IGFN1: variants seen among roughly 807,000 people sequenced by gnomAD.
IGFN1 encodes immunoglobulin-like and fibronectin type III domain-containing protein 1.
A neutral mutation model predicts 289.5 loss-of-function variants in IGFN1; 253 were observed. The ratio of observed to expected loss-of-function variants is 0.87; its 90% CI spans 0.79 to 0.97. The LOEUF is 0.97. IGFN1 is among the 50% of genes least tolerant of loss of function. The pLI, the probability that IGFN1 is intolerant of heterozygous loss-of-function variation, is 0.00. For missense variants in IGFN1, 4,470 were observed against 4,686.1 expected (o/e 0.95, Z 1.35); for synonymous variants, 1,706 against 1,788.5 (o/e 0.95, Z 1.16).
At chr1:201,226,189 C>A (rs2102375641) in intron 22 of IGFN1, 66 bp downstream of exon 22, 1 of 1,457,068 alleles carries the variant, frequency 6.9e-7, no homozygotes, top group Non-Finnish European at 9.1e-7. Flanking sequence ...CAGTGGGATG[C>A]ACCCAAGCAT....
In IGFN1 at chr1:201,207,808, G is replaced by T. The variant is rs1277864922; in HGVS notation, c.2915G>T (p.Gly972Val). 7 of 1,536,122 alleles carry T rather than the reference G, an allele frequency of 4.6e-6. No individual in the cohort carries two copies. The highest frequency in any genetic ancestry group is 6.1e-6 in the Non-Finnish European group (7 of 1,146,372). ...GAAATAAGCTCTAAAAGCGGGGCTG[G>T]TTATAGCTATGGCTCAGGGGTTCCA... ...SREISSKSGA[G>V]YSYGSGVPGE... The change falls in exon 12 of 24, where the codon GGT becomes GTT. Residue 972 changes from glycine (G) to valine (V), a missense_variant. Coordinates refer to ENST00000335211, the MANE Select transcript of IGFN1 (RefSeq NM_001164586.2).
rs1281883406 is a variant in IGFN1 at position 201,215,597 on chromosome 1, G to A, written c.9054G>A (p.Lys3018=). 6.2e-7 allele frequency: 1 copy of A among 1,612,140 alleles called. No homozygotes were observed. The highest frequency in any genetic ancestry group is 1.3e-5 in the African/African-American group (1 of 74,886). The change falls in exon 15 of 24, where the codon AAG becomes AAA. Residue 3018 remains lysine (K), a synonymous_variant. Coordinates refer to ENST00000335211, the MANE Select transcript of IGFN1 (RefSeq NM_001164586.2). ...AACTGAGAGAGCCACTGGTGGTCAA[G>A]GCTGGGAAGCCGGTGATAGTGAAGA... is the stretch of plus-strand genomic sequence containing the variant. ...TEKLREPLVV[K]AGKPVIVKIP...
chr1:201,204,303 G>A (rs1369966752), intron 10 of IGFN1, among the ~76,000 whole-genome samples: 2 of 152,144 alleles, frequency 1.3e-5, no homozygotes, highest in Admixed American at 6.5e-5. Flanking sequence ...GCATCCTCAC[G>A]CTCCATACAG....
Position 201,212,517 on chromosome 1 carries a change from A to G in IGFN1, c.7624A>G (p.Met2542Val). Residue 2542 changes from methionine to valine, a missense_variant, in exon 12 of 24, where the codon ATG (methionine) becomes GTG (valine). Coordinates refer to ENST00000335211, the MANE Select transcript of IGFN1 (RefSeq NM_001164586.2). Reference protein sequence around the residue: ...GAVEGETWAGMAALGSGYERD... With the variant: ...GAVEGETWAGVAALGSGYERD... ...AGTGGAAGGTGAGACCTGGGCAGGA[A>G]TGGCTGCTCTAGGGTCTGGATATGA... is the stretch of plus-strand genomic sequence containing the variant. 6.5e-7 allele frequency: 1 copy of G among 1,546,308 alleles called. No individual in the cohort carries two copies. The highest frequency in any genetic ancestry group is 8.7e-7 in the Non-Finnish European group (1 of 1,146,870).
In IGFN1 at chr1:201,223,574, T is replaced by A. The variant is rs545704288; in HGVS notation, c.10290+747T>A. 1.7e-3 allele frequency among the ~76,000 whole-genome samples: 264 copies of A among 152,264 alleles called. 1 individual carries two copies. The highest frequency in any genetic ancestry group is 6.1e-3 in the African/African-American group (253 of 41,532). On this transcript the variant is annotated intron_variant, in intron 20 of 23. Transcript: ENST00000335211. ...TTAGTAGAGATGGGGTTTCGCCGTGTTGGCCAGGCTGGCCTCTCAAACTCC... is the reference window on the plus strand; with the variant it reads ...TTAGTAGAGATGGGGTTTCGCCGTGATGGCCAGGCTGGCCTCTCAAACTCC...
At chr1:201,204,723 G>C (rs544017324) in intron 10 of IGFN1, among the ~76,000 whole-genome samples, 1 of 152,300 alleles carries the variant, frequency 6.6e-6, no homozygotes, top group African/African-American at 2.4e-5. Context: ...TTTCTCACCT[G>C]TAAAAAGAAA....
At position 201,228,861 on chromosome 1, in the gene IGFN1, G is replaced by A. The variant is rs1654288736; in HGVS notation, c.*462G>A. Reference sequence around the variant, plus strand: ...ATCAAGGTCGTGTGTGTGGGTGGGGGCAGCCTCCACCTCCTGGATTCAAGA... The same window carrying A: ...ATCAAGGTCGTGTGTGTGGGTGGGGACAGCCTCCACCTCCTGGATTCAAGA... On this transcript the variant is annotated 3_prime_UTR_variant, in exon 24 of 24. Transcript: ENST00000335211. 1 of 164,250 alleles carries A rather than the reference G, an allele frequency of 6.1e-6. No individual in the cohort carries two copies. Among genetic ancestry groups the A allele is most frequent in the Non-Finnish European group, 1.3e-5 (1 of 76,334 alleles). The allele number at this position is 164,250 out of a possible 1,614,324, so 10.2% of individuals were successfully genotyped here.
intron 10 of IGFN1, 150 bp from the exon 11 acceptor site, chr1:201,204,932 T>C: frequency 1.5e-6 from 1 of 652,604 alleles, no homozygotes; most frequent in Non-Finnish European, 2.5e-6. Flanking sequence ...AATTGACACC[T>C]GAGGTCCAGA....
chr1:201,228,421 T>G lies in IGFN1; in HGVS notation c.*22T>G. The G allele has an allele frequency of 6.2e-7, 1 of 1,613,304 alleles. No individual in the cohort carries two copies. The highest frequency in any genetic ancestry group is 1.7e-4 in the Middle Eastern group (1 of 6,058). Reference sequence around the variant, plus strand: ...CTAGCCTCACCTCACCCTGGGATGGTCCTGGACCCTTGAAGCTTCACTTCC... The same window carrying G: ...CTAGCCTCACCTCACCCTGGGATGGGCCTGGACCCTTGAAGCTTCACTTCC... On this transcript the variant is annotated 3_prime_UTR_variant, in exon 24 of 24. Transcript: ENST00000335211.
chr1:201,218,155 G>C (rs1210352504), intron 17 of IGFN1, among the ~76,000 whole-genome samples: 1 of 152,242 alleles, frequency 6.6e-6, no homozygotes, highest in Non-Finnish European at 1.5e-5. Context: ...AGGAGCTGAG[G>C]CCTGTCAGGG....
Position 201,206,070 on chromosome 1 carries a change from C to A in IGFN1, c.1190-13C>A, listed in dbSNP as rs1316204994. On this transcript the variant is annotated splice_polypyrimidine_tract_variant and intron_variant, in intron 11 of 23. Coordinates refer to ENST00000335211, the MANE Select transcript of IGFN1 (RefSeq NM_001164586.2). Reference sequence around the variant, plus strand: ...GGGCACTGACCTTCCATATGAATAACCCCTCACTGAAGCTGGGAAGGATAA... The same window carrying A: ...GGGCACTGACCTTCCATATGAATAAACCCTCACTGAAGCTGGGAAGGATAA... 1.5e-5 allele frequency: 22 copies of A among 1,506,024 alleles called. No homozygotes were observed. Among genetic ancestry groups the A allele is most frequent in the Non-Finnish European group, 1.9e-5 (21 of 1,107,826 alleles). The allele number at this position is 1,506,024 out of a possible 1,614,324, so 93.3% of individuals were successfully genotyped here.
chr1:201,216,056 C>T (rs921410620), intron 15 of IGFN1: 16 of 719,238 alleles, frequency 2.2e-5, no homozygotes, highest in African/African-American at 5.2e-5. Flanking sequence ...GGGGAGGAGC[C>T]GGTTATGCTT....
chr1:201,228,252 C>G (rs528945785), intron 23 of IGFN1, 134 bp from the exon 24 acceptor site: 1 of 913,570 alleles, frequency 1.1e-6, no homozygotes, highest in African/African-American at 1.6e-5. Context: ...CGTGGTGGCT[C>G]CAGATTTGAA....
intron 12 of IGFN1, 53 bp downstream of exon 12, chr1:201,213,674 T>A: frequency 6.8e-7 from 1 of 1,460,616 alleles, no homozygotes; most frequent in Non-Finnish European, 9.5e-7. Context: ...AGTGGGGAGC[T>A]CCCTGGCCAC....
At chr1:201,205,706 G>T (rs573925950) in intron 11 of IGFN1, among the ~76,000 whole-genome samples, 1 of 152,346 alleles carries the variant, frequency 6.6e-6, no homozygotes, top group South Asian at 2.1e-4. Context: ...GATGTTCCCA[G>T]GAAAGTGTAA....
At chr1:201,195,267 T>A (rs1666864907) in intron 3 of IGFN1, among the ~76,000 whole-genome samples, 2 of 152,080 alleles carry the variant, frequency 1.3e-5, no homozygotes, top group Non-Finnish European at 2.9e-5. Flanking sequence ...TTCTCCTGCC[T>A]CAGCCTCCCA....
chr1:201,203,775 C>T lies in IGFN1; in HGVS notation c.785C>T (p.Thr262Ile), dbSNP rs900690544. 2.6e-6 allele frequency: 4 copies of T among 1,551,842 alleles called. No homozygotes were observed. Among genetic ancestry groups the T allele is most frequent in the Non-Finnish European group, 3.5e-6 (4 of 1,147,050 alleles). Residue 262 changes from threonine to isoleucine, a missense_variant, in exon 10 of 24, where the codon ACC becomes ATC. Physicochemically the swap from Thr to Ile is moderately conservative, Grantham distance 89 (BLOSUM62 -1). Around this residue, in one of 8 missense-constraint regions of IGFN1, gnomAD observed 2,011 missense variants for 1,953.4 expected, o/e 1.03. Transcript: ENST00000335211. ...EMIPYGFNNQTKHCLRRLGKR... is the reference protein window; with the variant it reads ...EMIPYGFNNQIKHCLRRLGKR... ...ATCCCCTATGGCTTCAACAACCAAA[C>T]CAAGCACTGTCTGCGCCGGCTGGGG...
At position 201,203,925 on chromosome 1, in the gene IGFN1, C is replaced by G. The variant is rs368364059; in HGVS notation, c.916+19C>G. ...GCCAGTGGTGAGTGGTCTACACTGCCGAAGTTGGAGTTGGGGAGATATGTT... is the reference window on the plus strand; with the variant it reads ...GCCAGTGGTGAGTGGTCTACACTGCGGAAGTTGGAGTTGGGGAGATATGTT... On this transcript the variant is annotated intron_variant, in intron 10 of 23. Coordinates refer to ENST00000335211, the MANE Select transcript of IGFN1 (RefSeq NM_001164586.2). 2 of 1,539,982 alleles carry G rather than the reference C, an allele frequency of 1.3e-6. No homozygotes were observed. Among genetic ancestry groups the G allele is most frequent in the Non-Finnish European group, 1.8e-6 (2 of 1,139,942 alleles).
chr1:201,213,091 G>T lies in IGFN1; in HGVS notation c.8198G>T (p.Gly2733Val). The T allele has an allele frequency of 6.4e-7, 1 of 1,551,626 alleles. No individual in the cohort carries two copies. Among genetic ancestry groups the T allele is most frequent in the Non-Finnish European group, 8.7e-7 (1 of 1,146,968 alleles). ...CTCACCCCAAAACCTGGGGAGTCCG[G>T]ACCTCAGGGAGCCTGGAATGGCTTA... ...NALTPKPGES[G>V]PQGAWNGLDG... The change falls in exon 12 of 24, where the codon GGA becomes GTA. Residue 2733 changes from glycine to valine, a missense_variant. By Grantham distance (109) the Gly-to-Val change is moderately radical. Around this residue, in one of 8 missense-constraint regions of IGFN1, gnomAD observed 2,218 missense variants for 2,114.1 expected, o/e 1.05. Transcript: ENST00000335211.
Sources: allele counts gnomAD v4.1 joint callset (sites outside exome capture counted in the v4.1 genomes callset), GRCh38; gene constraint gnomAD v4.1.1; regional missense constraint gnomAD v4.1.1; transcripts MANE v1.5; gene names NCBI Gene and HGNC (gene_info 2026-07-23, HGNC 2026-07-21).